The following ABRA variants were observed in gnomAD, a reference collection of about 807,000 sequenced individuals.
ABRA encodes actin-binding Rho-activating protein.
Under a neutral mutation model 33.4 loss-of-function variants are expected in ABRA, and 25 were observed. That is an observed-to-expected ratio of 0.75 (90% CI 0.55 to 1.04). The LOEUF (loss-of-function observed/expected upper bound fraction) is 1.04, where lower values mean the gene tolerates loss of function less well. Ranked by LOEUF, ABRA falls within the 50% of genes least tolerant of loss-of-function variation. The pLI is 0.00. For missense variants in ABRA, 501 were observed against 491.7 expected, an observed-to-expected ratio of 1.02 and a Z score of -0.18; for synonymous variants, 193 against 176.8, an observed-to-expected ratio of 1.09 and a Z score of -0.73.
intron 1 of ABRA, among the ~76,000 whole-genome samples, chr8:106,763,755 T>C (rs1836169744): frequency 6.6e-6 from 1 of 152,224 alleles, no homozygotes; most frequent in African/African-American, 2.4e-5. Context: ...AGAAGAGGCT[T>C]GAAGTATCTC....
chr8:106,769,784 C>A lies in ABRA; in HGVS notation c.407G>T (p.Gly136Val). ...HLSHRYERDAGVLEPGQPEND... is the reference protein window; with the variant it reads ...HLSHRYERDAVVLEPGQPEND... ...CTCTGGCTGCCCAGGTTCAAGCACA[C>A]CAGCATCCCTCTCGTACCTGTGGCT... Residue 136 changes from glycine (G) to valine (V), a missense_variant, in exon 1 of 2, where the codon GGT becomes GTT. Transcript: ENST00000311955. 1.2e-6 allele frequency: 2 copies of A among 1,614,192 alleles called. No homozygotes were observed. The highest frequency in any genetic ancestry group is 1.7e-6 in the Non-Finnish European group (2 of 1,180,038).
rs978898238 is a variant in ABRA at position 106,760,005 on chromosome 8, T to C, written c.*1032A>G. On this transcript the variant is annotated 3_prime_UTR_variant, in exon 2 of 2. Coordinates refer to ENST00000311955, the MANE Select transcript of ABRA (RefSeq NM_139166.5). ...ACAGTATGAGGAACATTAAACTGTC[T>C]CAAATCTGTTTTTAATTCACCAATG... is the stretch of plus-strand genomic sequence containing the variant. 6.6e-6 allele frequency: 1 copy of C among 152,224 alleles called. No individual in the cohort carries two copies. The highest frequency in any genetic ancestry group is 2.4e-5 in the African/African-American group (1 of 41,448). 9.4% of individuals were successfully genotyped at this position (152,224 alleles called of 1,614,324 possible).
chr8:106,764,127 C>A (rs974743418), intron 1 of ABRA, among the ~76,000 whole-genome samples: 3 of 152,096 alleles, frequency 2.0e-5, no homozygotes, highest in Non-Finnish European at 2.9e-5. Flanking sequence ...TTTCAAAATT[C>A]TCTTATATGT....
chr8:106,761,690 C>T lies in ABRA; in HGVS notation c.669-176G>A, dbSNP rs1161351024. On this transcript the variant is annotated intron_variant, in intron 1 of 1. Coordinates refer to ENST00000311955, the MANE Select transcript of ABRA (RefSeq NM_139166.5). ...AGAAGAAAAATCATACATAGTCCCA[C>T]CGTTGTTCTTAGTTTGGTGCATATC... Among the ~76,000 whole-genome samples, 3 of 152,150 alleles carry T rather than the reference C, an allele frequency of 2.0e-5. 1 individual carries two copies. In the South Asian group the frequency reaches 6.2e-4, roughly 31 times the overall value.
At position 106,770,227 on chromosome 8, in the gene ABRA, A is replaced by T. The variant is rs1246436898; in HGVS notation, c.-37T>A. 2.5e-6 allele frequency: 4 copies of T among 1,569,058 alleles called. No individual in the cohort carries two copies. The South Asian group carries it at 4.8e-5, about 19-fold the overall frequency. ...GTCTTTCTCTGCTGATAGCCTGGACACTGGCTAAAATGAGTGTGGTCCAGT... is the reference window on the plus strand; with the variant it reads ...GTCTTTCTCTGCTGATAGCCTGGACTCTGGCTAAAATGAGTGTGGTCCAGT... On this transcript the variant is annotated 5_prime_UTR_variant, in exon 1 of 2. Coordinates refer to ENST00000311955, the MANE Select transcript of ABRA (RefSeq NM_139166.5).
chr8:106,767,422 C>T (rs1191539658), intron 1 of ABRA, among the ~76,000 whole-genome samples: 2 of 152,282 alleles, frequency 1.3e-5, no homozygotes, highest in African/African-American at 4.8e-5. Context: ...TCCTCATGTT[C>T]GGATAGCATA....
chr8:106,767,466 C>T (rs1836239901), intron 1 of ABRA, among the ~76,000 whole-genome samples: 1 of 152,198 alleles, frequency 6.6e-6, no homozygotes, highest in African/African-American at 2.4e-5. Context: ...ACATTAAGCA[C>T]AAATCCAGAC....
At position 106,761,091 on chromosome 8, in the gene ABRA, T is replaced by C; in HGVS notation, c.1092A>G (p.Gly364=). Residue 364 remains glycine (G), a synonymous_variant, in exon 2 of 2, where the codon GGA becomes GGG. Coordinates refer to ENST00000311955, the MANE Select transcript of ABRA (RefSeq NM_139166.5). ...CATCTCGGCCTTGCCATAGCATCTCTCCTTCAAAGTCTACCAGTCCATGTT... is the reference window on the plus strand; with the variant it reads ...CATCTCGGCCTTGCCATAGCATCTCCCCTTCAAAGTCTACCAGTCCATGTT... ...ARKHGLVDFE[G]EMLWQGRDDH... The C allele has an allele frequency of 6.2e-7, 1 of 1,614,200 alleles. No individual in the cohort carries two copies. Among genetic ancestry groups the C allele is most frequent in the Non-Finnish European group, 8.5e-7 (1 of 1,180,028 alleles).
At chr8:106,766,470 C>T (rs1836222909) in intron 1 of ABRA, among the ~76,000 whole-genome samples, 1 of 152,026 alleles carries the variant, frequency 6.6e-6, no homozygotes, top group South Asian at 2.1e-4. Flanking sequence ...AAAAGGCTTT[C>T]CAAATTGGCT....
At chr8:106,768,010 A>G (rs1810530152) in intron 1 of ABRA, among the ~76,000 whole-genome samples, 1 of 151,350 alleles carries the variant, frequency 6.6e-6, no homozygotes, top group East Asian at 1.9e-4. Context: ...CAGGAGAATC[A>G]CTTGAACTCA....
chr8:106,766,497 A>G (rs1004744588), intron 1 of ABRA, among the ~76,000 whole-genome samples: 3 of 152,160 alleles, frequency 2.0e-5, no homozygotes, highest in African/African-American at 7.2e-5. Flanking sequence ...TGCTGCTTTC[A>G]TTTCTCAAGC....
chr8:106,766,903 C>G (rs183370981), intron 1 of ABRA, among the ~76,000 whole-genome samples: 44 of 152,262 alleles, frequency 2.9e-4, no homozygotes, highest in Admixed American at 2.0e-3. Context: ...CCAAAGTAAC[C>G]ATGATTCAAA....
At chr8:106,765,242 G>A (rs951899243) in intron 1 of ABRA, among the ~76,000 whole-genome samples, 2 of 151,876 alleles carry the variant, frequency 1.3e-5, no homozygotes, top group Non-Finnish European at 2.9e-5. Context: ...CAGGCCTGGT[G>A]GCACGTGTCT....
intron 1 of ABRA, among the ~76,000 whole-genome samples, chr8:106,762,100 T>C (rs1836147647): frequency 1.3e-5 from 2 of 152,322 alleles, no homozygotes; most frequent in Non-Finnish European, 2.9e-5. Flanking sequence ...CTGAACACTA[T>C]GTACTGGCAT....
Position 106,769,554 on chromosome 8 carries a change from C to G in ABRA, c.637G>C (p.Val213Leu), listed in dbSNP as rs1045047522. The G allele has an allele frequency of 1.2e-6, 2 of 1,613,914 alleles. No individual in the cohort carries two copies. Among genetic ancestry groups the G allele is most frequent in the Non-Finnish European group, 1.7e-6 (2 of 1,179,970 alleles). Residue 213 changes from valine to leucine, a missense_variant, in exon 1 of 2, where the codon GTG becomes CTG. Transcript: ENST00000311955. ...RPEQDGVQVA[V>L]VRIKRPLPSQ... Reference sequence around the variant, plus strand: ...GGCAAGGGGCGCTTGATCCTGACCACAGCCACCTGCACTCCATCCTGCTCG... The same window carrying G: ...GGCAAGGGGCGCTTGATCCTGACCAGAGCCACCTGCACTCCATCCTGCTCG...
At chr8:106,765,946 G>A (rs1043217502) in intron 1 of ABRA, among the ~76,000 whole-genome samples, 2 of 152,144 alleles carry the variant, frequency 1.3e-5, no homozygotes, top group African/African-American at 4.8e-5. Context: ...CTAGCATAGT[G>A]GTTAAGAACA....
rs149782926 is a variant in ABRA, at chr8:106,770,183, G to A, written c.8C>T (p.Pro3Leu). ...GCCCTCCCCGCTTTCCTTTTCGCCC[G>A]GAGCCATGCTGCCCACCTGTCTTTC... MA[P>L]GEKESGEGPA... The change falls in exon 1 of 2, where the codon CCG (proline) becomes CTG (leucine). Residue 3 changes from proline to leucine, a missense_variant. Pro to Leu is a moderately conservative substitution (Grantham distance 98). Coordinates refer to ENST00000311955, the MANE Select transcript of ABRA (RefSeq NM_139166.5). 2.6e-5 allele frequency: 41 copies of A among 1,603,888 alleles called. 1 individual carries two copies. The highest frequency in any genetic ancestry group is 1.8e-4 in the Admixed American group (11 of 59,818).
chr8:106,767,779 A>G (rs1006896903), intron 1 of ABRA, among the ~76,000 whole-genome samples: 1 of 152,160 alleles, frequency 6.6e-6, no homozygotes, highest in Non-Finnish European at 1.5e-5. Flanking sequence ...AATTCTTTCA[A>G]AACACCTTTA....
intron 1 of ABRA, among the ~76,000 whole-genome samples, chr8:106,767,331 G>A (rs1307904189): frequency 6.6e-6 from 1 of 152,124 alleles, no homozygotes. Context: ...TGCCCCCTCA[G>A]TCTTTATTCT....
Sources: gnomAD v4.1 joint callset for allele counts (sites outside exome capture counted in the v4.1 genomes callset) on GRCh38, gnomAD v4.1.1 for gene constraint, MANE v1.5 for transcripts, NCBI Gene and HGNC (gene_info 2026-07-23, HGNC 2026-07-21) for gene names.